The following CELF2 variants were observed in gnomAD, a reference collection of about 807,000 sequenced individuals.
CELF2 encodes the protein CUG triplet repeat RNA-binding protein 2.
A neutral mutation model predicts 62.6 loss-of-function variants in CELF2; 8 were observed. That is an observed-to-expected ratio of 0.13 (90% confidence interval 0.07 to 0.23). The LOEUF is 0.23. Among genes scored for constraint, CELF2 ranks in the 10% least tolerant of loss-of-function variants. CELF2 has a pLI of 1.00. For synonymous variants in CELF2, 258 were observed against 250.0 expected (o/e 1.03, Z -0.30); for missense variants, 333 against 671.0 (o/e 0.50, Z 5.56).
At chr10:10,671,016 C>T in the CELF2 span, among the ~76,000 whole-genome samples, 1 of 151,836 alleles carries the variant, frequency 6.6e-6, no homozygotes. Context: ...AAAATAAAAA[C>T]ATTAGCCAGG....
At chr10:10,527,987 G>A in the CELF2 span, among the ~76,000 whole-genome samples, 1 of 152,130 alleles carries the variant, frequency 6.6e-6, no homozygotes, top group African/African-American at 2.4e-5. Context: ...AGTCCTCAGA[G>A]CGTTTAAATG....
intron 1 of CELF2, among the ~76,000 whole-genome samples, chr10:10,820,354 C>T (rs553332009): frequency 6.6e-6 from 1 of 152,316 alleles, no homozygotes; most frequent in African/African-American, 2.4e-5. Flanking sequence ...ATTGCTCCAA[C>T]TCTCTGCATT....
intron 1 of CELF2, among the ~76,000 whole-genome samples, chr10:11,038,326 A>G (rs1038415786): frequency 1.4e-4 from 21 of 152,208 alleles, no homozygotes; most frequent in African/African-American, 5.1e-4. Flanking sequence ...TTCCTAAGAG[A>G]AAAAATGCTT....
At chr10:11,060,855 T>A (rs1428794142) in intron 1 of CELF2, among the ~76,000 whole-genome samples, 2 of 152,232 alleles carry the variant, frequency 1.3e-5, no homozygotes, top group Admixed American at 1.3e-4. Context: ...TTTCAGGGTG[T>A]CAGGAACAGT....
At position 10,818,131 on chromosome 10, in the gene CELF2, G is replaced by A. The variant is rs564929032; in HGVS notation, c.53+19314G>A. ...TGGGGTCAATAAAATTGTCTAGGCA[G>A]CATCTATTCAGAAACTATATTTTGG... On this transcript the variant is annotated intron_variant, in intron 1 of 13. Coordinates refer to the CELF2 transcript ENST00000636488. 2.0e-3 allele frequency among the ~76,000 whole-genome samples: 310 copies of A among 152,302 alleles called. 1 individual carries two copies. The highest frequency in any genetic ancestry group is 3.2e-3 in the Admixed American group (49 of 15,298).
At chr10:10,490,737 C>T in the CELF2 span, among the ~76,000 whole-genome samples, 1 of 152,096 alleles carries the variant, frequency 6.6e-6, no homozygotes, top group Non-Finnish European at 1.5e-5. Flanking sequence ...TGGGAGTGGT[C>T]ATTTCTTTCC....
chr10:10,975,315 A>G (rs2051200970), intron 2 of CELF2, among the ~76,000 whole-genome samples: 1 of 152,104 alleles, frequency 6.6e-6, no homozygotes, highest in Non-Finnish European at 1.5e-5. Context: ...ACGGGGTCTC[A>G]TTGTGTTGCA....
At chr10:10,814,689 C>T (rs1218685086) in intron 1 of CELF2, among the ~76,000 whole-genome samples, 2 of 152,178 alleles carry the variant, frequency 1.3e-5, no homozygotes, top group Non-Finnish European at 2.9e-5. Flanking sequence ...CCAGTTTCCT[C>T]CTGTAGGGAG....
the CELF2 span, among the ~76,000 whole-genome samples, chr10:10,751,621 G>A: frequency 6.6e-6 from 1 of 152,072 alleles, no homozygotes; most frequent in African/African-American, 2.4e-5. Context: ...GACCAGTGAT[G>A]TTACCTTCCT....
chr10:10,646,727 CAGGTGCCACTG>C, the CELF2 span, among the ~76,000 whole-genome samples: 15 of 152,280 alleles, frequency 9.9e-5, no homozygotes, highest in Non-Finnish European at 1.9e-4. Context: ...TGACGAAGAG[CAGGTGCCACTG>C]AGGTGCCACA....
chr10:11,069,031 C>T (rs562926713), intron 1 of CELF2, among the ~76,000 whole-genome samples: 1 of 152,260 alleles, frequency 6.6e-6, no homozygotes, highest in East Asian at 1.9e-4. Context: ...CCATGCTTAT[C>T]AATTATTCCC....
At chr10:10,464,044 C>T in the CELF2 span, among the ~76,000 whole-genome samples, 8 of 151,180 alleles carry the variant, frequency 5.3e-5, no homozygotes, top group African/African-American at 1.9e-4. Context: ...ACGCTGGTAA[C>T]ATTTGGTCTC....
intron 1 of CELF2, among the ~76,000 whole-genome samples, chr10:10,908,637 A>T (rs1031119376): frequency 2.6e-5 from 4 of 152,222 alleles, no homozygotes; most frequent in South Asian, 2.1e-4. Flanking sequence ...AGAAAATTAA[A>T]AAATAAAAAC....
chr10:11,288,644 G>A (rs532043215), intron 9 of CELF2, 92 bp downstream of exon 9: 20 of 1,446,150 alleles, frequency 1.4e-5, no homozygotes, highest in African/African-American at 5.6e-5. Context: ...GAGGCTAGAC[G>A]TGTCCAGGAT....
intron 1 of CELF2, among the ~76,000 whole-genome samples, chr10:10,906,717 CTTTTTTTT>C (rs397846553): frequency 2.7e-5 from 3 of 109,286 alleles, no homozygotes; most frequent in South Asian, 2.9e-4. Flanking sequence ...TTTTTCTTTT[CTTTTTTTT>C]TTTTTTTTTT....
rs1049846291 is a variant in CELF2, at chr10:11,177,207, G to T, written c.271+11525G>T. 6.6e-6 allele frequency among the ~76,000 whole-genome samples: 1 copy of T among 151,998 alleles called. No individual in the cohort carries two copies. Among genetic ancestry groups the T allele is most frequent in the Non-Finnish European group, 1.5e-5 (1 of 67,996 alleles). On this transcript the variant is annotated intron_variant, in intron 2 of 12. Coordinates refer to ENST00000633077, the MANE Select transcript of CELF2 (RefSeq NM_001326342.2). This position sits in a 1 kb window ranked among gnomAD's most constrained non-coding sequence, Gnocchi z 4.8. Reference sequence around the variant, plus strand: ...TTTCTAAAAAATTCACATTACTAAGGCATCCCCTACACAGAATGTTTAGTA... The same window carrying T: ...TTTCTAAAAAATTCACATTACTAAGTCATCCCCTACACAGAATGTTTAGTA...
chr10:10,887,999 C>T (rs2061876778), intron 1 of CELF2, among the ~76,000 whole-genome samples: 1 of 152,188 alleles, frequency 6.6e-6, no homozygotes, highest in South Asian at 2.1e-4. Flanking sequence ...TCTCAAACCC[C>T]TGACCTCAAG....
At chr10:11,235,330 C>A (rs1315813729) in intron 3 of CELF2, among the ~76,000 whole-genome samples, 1 of 152,210 alleles carries the variant, frequency 6.6e-6, no homozygotes, top group Non-Finnish European at 1.5e-5. Context: ...CTCCCACATG[C>A]TTGTCTCACA....
chr10:11,150,773 C>T (rs998521194), intron 1 of CELF2, among the ~76,000 whole-genome samples: 31 of 152,308 alleles, frequency 2.0e-4, no homozygotes, highest in Middle Eastern at 3.4e-3. Context: ...GTGGAGCTCC[C>T]GTCTCTCCAA....
Sources: allele counts gnomAD v4.1 joint callset (sites outside exome capture counted in the v4.1 genomes callset), GRCh38; gene constraint gnomAD v4.1.1; non-coding constraint Gnocchi (gnomAD v3.1); transcripts MANE v1.5; gene names NCBI Gene and HGNC (gene_info 2026-07-23, HGNC 2026-07-21).